CLDN10: variants seen among roughly 807,000 people sequenced by gnomAD.
CLDN10 encodes claudin-10.
A neutral mutation model predicts 22.9 loss-of-function variants in CLDN10; 15 were observed. The observed-to-expected ratio is 0.65, with a 90% CI of 0.44 to 1.01. The LOEUF (loss-of-function observed/expected upper bound fraction) is 1.01, where lower values mean the gene tolerates loss of function less well. Ranked by LOEUF, CLDN10 falls within the 50% of genes least tolerant of loss-of-function variation. CLDN10 has a pLI of 0.00. For missense variants in CLDN10, 247 were observed against 287.8 expected, an observed-to-expected ratio of 0.86 and a Z score of 1.03; for synonymous variants, 114 against 111.4, an observed-to-expected ratio of 1.02 and a Z score of -0.15.
At chr13:95,492,813 T>C (rs918167009) in intron 1 of CLDN10, among the ~76,000 whole-genome samples, 1 of 152,200 alleles carries the variant, frequency 6.6e-6, no homozygotes, top group Non-Finnish European at 1.5e-5. Context: ...AATGGGCTGC[T>C]TGGGGACCCA....
At chr13:95,478,606 T>A (rs924059568) in intron 1 of CLDN10, among the ~76,000 whole-genome samples, 7 of 152,128 alleles carry the variant, frequency 4.6e-5, no homozygotes, top group Non-Finnish European at 8.8e-5. Context: ...GCGCCTAGGA[T>A]CCTTCTCCCC....
At chr13:95,454,711 A>G (rs1385179058) in intron 1 of CLDN10, among the ~76,000 whole-genome samples, 1 of 152,342 alleles carries the variant, frequency 6.6e-6, no homozygotes, top group East Asian at 1.9e-4. Flanking sequence ...GGGCCCTTTC[A>G]GAAAACTTCT....
chr13:95,486,435 A>G (rs1345929436), intron 1 of CLDN10, among the ~76,000 whole-genome samples: 1 of 151,576 alleles, frequency 6.6e-6, no homozygotes. Context: ...AGGCAGGATA[A>G]TCACTTGAAC....
At chr13:95,476,966 G>A (rs1334529941) in intron 1 of CLDN10, among the ~76,000 whole-genome samples, 2 of 152,160 alleles carry the variant, frequency 1.3e-5, no homozygotes, top group East Asian at 3.9e-4. Flanking sequence ...CAGCATAGCA[G>A]GGACCCAAGC....
At chr13:95,467,323 T>C (rs187936899) in intron 1 of CLDN10, among the ~76,000 whole-genome samples, 81 of 152,276 alleles carry the variant, frequency 5.3e-4, no homozygotes, top group Non-Finnish European at 9.3e-4. Flanking sequence ...GTAAATGTCA[T>C]TGCATCCAAA....
chr13:95,506,931 A>C (rs376039067), intron 1 of CLDN10, among the ~76,000 whole-genome samples: 9 of 152,284 alleles, frequency 5.9e-5, no homozygotes, highest in African/African-American at 2.2e-4. Flanking sequence ...TCAGCAGGCC[A>C]CGAGGAATTG....
At chr13:95,524,492 T>A (rs1027337404) in intron 1 of CLDN10, among the ~76,000 whole-genome samples, 15 of 152,224 alleles carry the variant, frequency 9.9e-5, no homozygotes, top group Non-Finnish European at 1.8e-4. Context: ...GTAATTTCAT[T>A]CCCTTTTCGG....
intron 1 of CLDN10, among the ~76,000 whole-genome samples, chr13:95,521,297 G>GTA (rs1374937046): frequency 6.6e-6 from 1 of 152,142 alleles, no homozygotes; most frequent in Non-Finnish European, 1.5e-5. Context: ...TTATCAATAA[G>GTA]TATAAGGTTT....
intron 1 of CLDN10, among the ~76,000 whole-genome samples, chr13:95,558,951 T>G (rs547682901): frequency 6.6e-6 from 1 of 152,174 alleles, no homozygotes; most frequent in East Asian, 1.9e-4. Context: ...AAAAAGAAAC[T>G]GAACTGGAGG....
In CLDN10 at chr13:95,552,862, G is replaced by C; in HGVS notation, c.109G>C (p.Gly37Arg). Residue 37 changes from glycine to arginine, a missense_variant, in exon 1 of 5, where the codon GGC (glycine) becomes CGC (arginine). Coordinates refer to ENST00000299339, the MANE Select transcript of CLDN10 (RefSeq NM_006984.5). ...TDYWKVSTID[G>R]TVITTATYWA... ...CTACTGGAAGGTGTCTACCATCGAC[G>C]GCACGGTCATCACAACCGCCACCTA... The C allele has an allele frequency of 6.2e-7, 1 of 1,614,088 alleles. No individual in the cohort carries two copies. The highest frequency in any genetic ancestry group is 1.1e-5 in the South Asian group (1 of 91,084).
intron 1 of CLDN10, among the ~76,000 whole-genome samples, chr13:95,473,341 T>C (rs1194527450): frequency 6.6e-6 from 1 of 152,102 alleles, no homozygotes; most frequent in African/African-American, 2.4e-5. Context: ...TTTACCTGTG[T>C]AACAAACCTA....
At chr13:95,482,500 GC>G (rs1471104356) in intron 1 of CLDN10, among the ~76,000 whole-genome samples, 1 of 152,110 alleles carries the variant, frequency 6.6e-6, no homozygotes, top group Non-Finnish European at 1.5e-5. Context: ...TCTTCTAGGT[GC>G]CCATCAAATC....
chr13:95,575,032 T>G (rs1445138436), intron 3 of CLDN10, among the ~76,000 whole-genome samples: 1 of 152,158 alleles, frequency 6.6e-6, no homozygotes, highest in East Asian at 1.9e-4. Flanking sequence ...CCACTATTAA[T>G]AATTAGATAT....
intron 3 of CLDN10, chr13:95,560,665 T>G: frequency 1.7e-6 from 1 of 571,524 alleles, no homozygotes; most frequent in Non-Finnish European, 3.1e-6. Flanking sequence ...AGTGTTGCAG[T>G]GTCTTGTCTC....
intron 1 of CLDN10, among the ~76,000 whole-genome samples, chr13:95,559,119 G>A (rs1428505742): frequency 1.3e-5 from 2 of 152,190 alleles, no homozygotes; most frequent in African/African-American, 2.4e-5. Context: ...TAAACCTGAT[G>A]TAGGTATATA....
At chr13:95,482,861 C>T (rs568227613) in intron 1 of CLDN10, among the ~76,000 whole-genome samples, 1 of 152,068 alleles carries the variant, frequency 6.6e-6, no homozygotes, top group Non-Finnish European at 1.5e-5. Flanking sequence ...TGCCTGTAAT[C>T]CCAGCTACTC....
intron 1 of CLDN10, among the ~76,000 whole-genome samples, chr13:95,435,038 A>C (rs2042254449): frequency 6.6e-6 from 1 of 152,206 alleles, no homozygotes; most frequent in South Asian, 2.1e-4. Flanking sequence ...TACATGGGGC[A>C]AGCTTTCATC....
rs1020628896 is a variant in CLDN10 at position 95,453,561 on chromosome 13, G to A, written c.214+19514G>A. On this transcript the variant is annotated intron_variant, in intron 1 of 4. Transcript: ENST00000376873. ...TAGCGGGTTATGGTGGCACATGCCT[G>A]TAAACCCAGTTACTAGGGAGGCTCA... Among the ~76,000 whole-genome samples, 5 of 152,248 alleles carry A rather than the reference G, an allele frequency of 3.3e-5. No homozygotes were observed. In the South Asian group the frequency reaches 1.0e-3, roughly 32 times the overall value.
intron 3 of CLDN10, among the ~76,000 whole-genome samples, chr13:95,570,710 C>G (rs1024912871): frequency 6.6e-6 from 1 of 151,468 alleles, no homozygotes. Context: ...ATTTCCTGTT[C>G]TGAATGTTAA....
Sources: gnomAD v4.1 joint callset for allele counts (sites outside exome capture counted in the v4.1 genomes callset) on GRCh38, gnomAD v4.1.1 for gene constraint, MANE v1.5 for transcripts, NCBI Gene and HGNC (gene_info 2026-07-23, HGNC 2026-07-21) for gene names.